Variants in HK1 observed in about 807,000 individuals in gnomAD.
The protein encoded by HK1 is hexokinase-1.
Under a neutral mutation model 91.6 loss-of-function variants are expected in HK1, and 28 were observed. That is an observed-to-expected ratio of 0.31 (90% CI 0.23 to 0.42). The LOEUF (loss-of-function observed/expected upper bound fraction) is 0.42. Among genes scored for constraint, HK1 ranks in the 10% least tolerant of loss-of-function variants. The probability of loss-of-function intolerance (pLI) is 1.00; values close to 1 mark genes in which losing one functional copy is unlikely to be tolerated. For missense variants in HK1, 770 were observed against 1,219.8 expected, an observed-to-expected ratio of 0.63 and a Z score of 5.49; for synonymous variants, 430 against 468.1, an observed-to-expected ratio of 0.92 and a Z score of 1.05.
At chr10:69,305,200 GA>G (rs1846046867) in intron 5 of HK1, among the ~76,000 whole-genome samples, 1 of 152,298 alleles carries the variant, frequency 6.6e-6, no homozygotes, top group East Asian at 1.9e-4. Context: ...AAAGAAGCAG[GA>G]AAGCCACAGA....
At chr10:69,307,941 T>C (rs12253797) in intron 5 of HK1, among the ~76,000 whole-genome samples, 3,297 of 152,082 alleles carry the variant, frequency 0.022, 120 homozygotes, top group African/African-American at 0.075. Context: ...CCGGTTCAAG[T>C]GATTCTCCTG....
chr10:69,369,357 C>T lies in HK1; in HGVS notation c.691+21C>T, dbSNP rs1327798113. The T allele has an allele frequency of 1.2e-6, 2 of 1,613,204 alleles. No individual in the cohort carries two copies. The highest frequency in any genetic ancestry group is 1.7e-5 in the Admixed American group (1 of 60,028). On this transcript the variant is annotated intron_variant, in intron 6 of 17. Transcript: ENST00000359426. The surrounding 1 kb of genome is among the most constrained non-coding windows in gnomAD (Gnocchi z 4.4). ...CATCGGTAATGCATTCCCCTTTGCC[C>T]ATCCATTTGTTCGGCCCATCTTTCC...
chr10:69,357,495 G>A (rs771560182), intron 2 of HK1, among the ~76,000 whole-genome samples: 2 of 152,140 alleles, frequency 1.3e-5, no homozygotes, highest in Admixed American at 6.5e-5. Context: ...CTGTTGCCCA[G>A]GCTGGAGTGC....
chr10:69,300,121 G>A (rs188237098), intron 4 of HK1, among the ~76,000 whole-genome samples: 14 of 151,704 alleles, frequency 9.2e-5, no homozygotes, highest in South Asian at 6.2e-4. Flanking sequence ...TTTAACACAC[G>A]TATACACCTA....
chr10:69,368,328 C>G (rs376965936), intron 4 of HK1, among the ~76,000 whole-genome samples: 1 of 152,228 alleles, frequency 6.6e-6, no homozygotes, highest in Non-Finnish European at 1.5e-5. Flanking sequence ...TTCTCCCCAC[C>G]CTATCTTTGC....
intron 1 of HK1, among the ~76,000 whole-genome samples, chr10:69,322,337 A>G (rs1847083294): frequency 6.6e-6 from 1 of 152,036 alleles, no homozygotes; most frequent in Admixed American, 6.6e-5. Context: ...ATTCAACTCC[A>G]TAAAAATATA....
chr10:69,296,061 C>G (rs953225169), intron 4 of HK1: 7 of 276,186 alleles, frequency 2.5e-5, no homozygotes, highest in African/African-American at 1.5e-4. Context: ...GTCAGGCATG[C>G]CAGAAACTTG....
At position 69,393,035 on chromosome 10, in the gene HK1, G is replaced by A. The variant is rs144249651; in HGVS notation, c.2219+727G>A. ...TTGCTCTTGTTGCCCAGGCTGGAGT[G>A]CAATGGCGTGATCTCGGCTCACCAC... is the stretch of plus-strand genomic sequence containing the variant. On this transcript the variant is annotated intron_variant, in intron 15 of 17. Coordinates refer to ENST00000359426, the MANE Select transcript of HK1 (RefSeq NM_000188.3). Among the ~76,000 whole-genome samples, 893 of 152,362 alleles carry A rather than the reference G, an allele frequency of 5.9e-3. 6 individuals carry two copies. The highest frequency in any genetic ancestry group is 0.02 in the African/African-American group (840 of 41,580).
At chr10:69,340,184 G>A (rs1848218550) in intron 1 of HK1, among the ~76,000 whole-genome samples, 1 of 152,158 alleles carries the variant, frequency 6.6e-6, no homozygotes, top group South Asian at 2.1e-4. Context: ...TGATGTGTGA[G>A]GAGTGTGGTC....
intron 1 of HK1, among the ~76,000 whole-genome samples, chr10:69,276,328 A>G (rs2132413268): frequency 6.6e-6 from 1 of 151,804 alleles, no homozygotes; most frequent in South Asian, 2.1e-4. Flanking sequence ...TAGGTCTAAC[A>G]ATTCTTGCTT....
chr10:69,343,443 CCT>C (rs763200218), intron 1 of HK1, among the ~76,000 whole-genome samples: 8 of 152,146 alleles, frequency 5.3e-5, no homozygotes, highest in Admixed American at 2.0e-4. Flanking sequence ...TTGTTCGTAG[CCT>C]CTCTGTCATT....
At chr10:69,389,446 GACGAA>G in intron 14 of HK1, 150 bp downstream of exon 14, 2 of 516,168 alleles carry the variant, frequency 3.9e-6, no homozygotes, top group South Asian at 1.6e-5. Flanking sequence ...TTCAGGGCTG[GACGAA>G]GGCAGCAGAG....
At chr10:69,348,780 A>C (rs1848697665) in intron 2 of HK1, among the ~76,000 whole-genome samples, 1 of 151,966 alleles carries the variant, frequency 6.6e-6, no homozygotes, top group East Asian at 1.9e-4. Context: ...ACTGCACTCC[A>C]GCCTGGGCAA....
chr10:69,375,939 C>T (rs942823473), intron 7 of HK1, among the ~76,000 whole-genome samples: 6 of 152,186 alleles, frequency 3.9e-5, no homozygotes, highest in African/African-American at 1.4e-4. Context: ...TTGACCGGGG[C>T]TGGAGCTGTG....
intron 4 of HK1, among the ~76,000 whole-genome samples, chr10:69,297,617 G>A (rs1440017852): frequency 2.6e-5 from 4 of 151,942 alleles, no homozygotes; most frequent in African/African-American, 7.3e-5. Context: ...GGTTGAGGCC[G>A]GATGTGGTGG....
intron 2 of HK1, among the ~76,000 whole-genome samples, chr10:69,284,409 A>G (rs1844914832): frequency 6.6e-6 from 1 of 152,214 alleles, no homozygotes; most frequent in Non-Finnish European, 1.5e-5. Flanking sequence ...AATGACCTCC[A>G]AGAGAGTTGC....
At position 69,392,251 on chromosome 10, in the gene HK1, T is replaced by C. The variant is rs1564568426; in HGVS notation, c.2162T>C (p.Ile721Thr). Reference sequence around the variant, plus strand: ...GGGGACAACGGGTGTCTGGATGATATCAGGACACACTACGACAGACTGGTG... The same window carrying C: ...GGGGACAACGGGTGTCTGGATGATACCAGGACACACTACGACAGACTGGTG... ...AFGDNGCLDD[I>T]RTHYDRLVDE... The change falls in exon 15 of 18, where the codon ATC becomes ACC. Residue 721 changes from isoleucine (I) to threonine (T), a missense_variant. Transcript: ENST00000359426. 3 of 1,614,054 alleles carry C rather than the reference T, an allele frequency of 1.9e-6. No individual in the cohort carries two copies. Among genetic ancestry groups the C allele is most frequent in the Non-Finnish European group, 2.5e-6 (3 of 1,180,008 alleles).
intron 2 of HK1, 57 bp from the exon 3 acceptor site, chr10:69,359,840 A>C: frequency 6.5e-7 from 1 of 1,546,138 alleles, no homozygotes; most frequent in Non-Finnish European, 8.9e-7. Flanking sequence ...CGGGCATGGT[A>C]TGTGGCTTCC....
At chr10:69,326,973 T>C (rs552643014) in intron 1 of HK1, among the ~76,000 whole-genome samples, 2 of 152,100 alleles carry the variant, frequency 1.3e-5, no homozygotes, top group African/African-American at 4.8e-5. Flanking sequence ...TTAAGCAATA[T>C]ATGGTATTGC....
Sources: gnomAD v4.1 joint callset for allele counts (sites outside exome capture counted in the v4.1 genomes callset) on GRCh38, gnomAD v4.1.1 for gene constraint, Gnocchi (gnomAD v3.1) non-coding constraint, MANE v1.5 for transcripts, NCBI Gene and HGNC (gene_info 2026-07-23, HGNC 2026-07-21) for gene names.